Variants in TSHR observed in about 807,000 individuals in gnomAD.
TSHR encodes thyrotropin receptor.
Under a neutral mutation model 64.1 loss-of-function variants are expected in TSHR, and 51 were observed. That is an observed-to-expected ratio of 0.80 (90% CI 0.64 to 1.01). The LOEUF is 1.01. Among genes scored for constraint, TSHR ranks in the 50% least tolerant of loss-of-function variants. The pLI is 0.00. For missense variants in TSHR, 877 were observed against 942.8 expected, an observed-to-expected ratio of 0.93 and a Z score of 0.91; for synonymous variants, 361 against 361.9, an observed-to-expected ratio of 1.00 and a Z score of 0.03.
chr14:81,092,213 A>G (rs1245951235), intron 5 of TSHR, among the ~76,000 whole-genome samples: 2 of 152,166 alleles, frequency 1.3e-5, no homozygotes, highest in Non-Finnish European at 2.9e-5. Flanking sequence ...TGTTGTGGAC[A>G]AAGTGTTGCA....
intron 8 of TSHR, among the ~76,000 whole-genome samples, chr14:81,128,890 T>C (rs946528442): frequency 1.3e-5 from 2 of 152,232 alleles, no homozygotes; most frequent in Non-Finnish European, 2.9e-5. Context: ...TTCCCCATGA[T>C]GCTTATTACC....
chr14:81,000,479 G>A (rs941671801), intron 1 of TSHR, among the ~76,000 whole-genome samples: 3 of 152,112 alleles, frequency 2.0e-5, no homozygotes, highest in African/African-American at 7.2e-5. Context: ...AGAAAACTGG[G>A]ATCCTTGTGG....
chr14:81,024,475 C>CT (rs1455788808), intron 1 of TSHR, among the ~76,000 whole-genome samples: 1 of 152,062 alleles, frequency 6.6e-6, no homozygotes, highest in Non-Finnish European at 1.5e-5. Flanking sequence ...TCTCGATCTC[C>CT]TGACCTCATG....
intron 1 of TSHR, among the ~76,000 whole-genome samples, chr14:80,984,391 C>G (rs530426206): frequency 6.6e-6 from 1 of 152,264 alleles, no homozygotes; most frequent in East Asian, 1.9e-4. Context: ...AAGTTGGCAC[C>G]ATATTTTGCA....
intron 9 of TSHR, among the ~76,000 whole-genome samples, 170 bp downstream of exon 9, chr14:81,140,037 G>A (rs1891619945): frequency 6.6e-6 from 1 of 152,222 alleles, no homozygotes; most frequent in East Asian, 1.9e-4. Flanking sequence ...CGGACCCAAA[G>A]TGGGTGCAGC....
chr14:80,974,616 A>G (rs979827679), intron 1 of TSHR, among the ~76,000 whole-genome samples: 18 of 152,326 alleles, frequency 1.2e-4, no homozygotes, highest in Admixed American at 3.9e-4. Context: ...AGCATGAAAG[A>G]ATCTTTTAAG....
At chr14:81,006,115 A>T (rs1242492941) in intron 1 of TSHR, among the ~76,000 whole-genome samples, 1 of 152,160 alleles carries the variant, frequency 6.6e-6, no homozygotes, top group Non-Finnish European at 1.5e-5. Context: ...TTTAAAATAA[A>T]CTTTCTGTTT....
intron 7 of TSHR, among the ~76,000 whole-genome samples, chr14:81,101,085 A>C (rs1180037295): frequency 6.6e-6 from 1 of 152,168 alleles, no homozygotes; most frequent in South Asian, 2.1e-4. Context: ...TCTCATCAGC[A>C]TACAAAAGAC....
At chr14:80,998,734 A>G (rs528522049) in intron 1 of TSHR, among the ~76,000 whole-genome samples, 1 of 152,190 alleles carries the variant, frequency 6.6e-6, no homozygotes, top group South Asian at 2.1e-4. Context: ...AGTGTGTGCA[A>G]TAGAGTAGAA....
intron 1 of TSHR, among the ~76,000 whole-genome samples, chr14:81,036,642 GA>G (rs535929179): frequency 5.5e-4 from 84 of 152,006 alleles, no homozygotes; most frequent in African/African-American, 1.9e-3. Context: ...TTACTAGTAT[GA>G]AAAAAAGAAA....
intron 1 of TSHR, among the ~76,000 whole-genome samples, chr14:80,987,624 G>T (rs1888533062): frequency 6.6e-6 from 1 of 152,158 alleles, no homozygotes; most frequent in South Asian, 2.1e-4. Context: ...CCCCCTTCTG[G>T]TAGCTGGCAG....
chr14:81,074,062 A>C (rs2139928169), intron 3 of TSHR, among the ~76,000 whole-genome samples: 1 of 152,262 alleles, frequency 6.6e-6, no homozygotes, highest in African/African-American at 2.4e-5. Context: ...GTTATTTATA[A>C]GTTTTTTTAA....
At position 81,123,983 on chromosome 14, in the gene TSHR, C is replaced by A. The variant is rs6574628; in HGVS notation, c.692+15531C>A. On this transcript the variant is annotated intron_variant, in intron 8 of 9. Transcript: ENST00000298171. ...GGAAAGAACACACTGAAATGCAATG[C>A]CTTTCATAATAATCAGAGTTCTCTA... Among the ~76,000 whole-genome samples, 13 of 152,114 alleles carry A rather than the reference C, an allele frequency of 8.5e-5. No homozygotes were observed. The East Asian group carries it at 2.3e-3, about 27-fold the overall frequency.
chr14:81,016,852 T>C (rs1883439003), intron 1 of TSHR, among the ~76,000 whole-genome samples: 3 of 152,338 alleles, frequency 2.0e-5, no homozygotes, highest in Admixed American at 6.5e-5. Context: ...TATGTGGATA[T>C]ACAGTTTTCC....
intron 1 of TSHR, among the ~76,000 whole-genome samples, chr14:81,044,469 T>C (rs1885071820): frequency 2.0e-5 from 3 of 152,030 alleles, no homozygotes; most frequent in Admixed American, 2.0e-4. Flanking sequence ...CTATCCTGGC[T>C]AACACGGTGA....
intron 8 of TSHR, among the ~76,000 whole-genome samples, chr14:81,122,896 G>A (rs543505587): frequency 2.0e-5 from 3 of 152,162 alleles, no homozygotes; most frequent in East Asian, 1.9e-4. Flanking sequence ...AGGCTGAGGC[G>A]GTGTGGATCA....
chr14:80,983,746 A>G lies in TSHR; in HGVS notation c.170+27896A>G, dbSNP rs182833931. ...GGTTATTATGGTGTACAAGTTATACATTGCATCTTTAACACATAGTTACCT... is the reference window on the plus strand; with the variant it reads ...GGTTATTATGGTGTACAAGTTATACGTTGCATCTTTAACACATAGTTACCT... On this transcript the variant is annotated intron_variant, in intron 1 of 9. Coordinates refer to ENST00000298171, the MANE Select transcript of TSHR (RefSeq NM_000369.5). The G allele has an allele frequency of 1.2e-4, 45 of 389,750 alleles. 1 individual carries two copies. Among genetic ancestry groups the G allele is most frequent in the East Asian group, 1.2e-3 (31 of 26,922 alleles). The allele number at this position is 389,750 out of a possible 1,614,324, so 24.1% of individuals were successfully genotyped here.
chr14:81,111,547 A>C (rs1890225043), intron 8 of TSHR, among the ~76,000 whole-genome samples: 1 of 152,198 alleles, frequency 6.6e-6, no homozygotes, highest in Admixed American at 6.5e-5. Flanking sequence ...GCATTGCCAT[A>C]ATCTTCAGCT....
chr14:81,125,425 T>C (rs568066162), intron 8 of TSHR, among the ~76,000 whole-genome samples: 19 of 152,118 alleles, frequency 1.2e-4, no homozygotes, highest in Non-Finnish European at 2.5e-4. Context: ...GTGGAAGTAG[T>C]AGTAATAGTT....
Sources: gnomAD v4.1 joint callset for allele counts (sites outside exome capture counted in the v4.1 genomes callset) on GRCh38, gnomAD v4.1.1 for gene constraint, MANE v1.5 for transcripts, NCBI Gene and HGNC (gene_info 2026-07-23, HGNC 2026-07-21) for gene names.